PRR14L: variants seen among roughly 807,000 people sequenced by gnomAD.
PRR14L encodes the protein proline rich 14 like.
PRR14L carries 80 observed loss-of-function variants against 155.0 expected under a neutral mutation model. The ratio of observed to expected loss-of-function variants is 0.52; its 90% CI spans 0.43 to 0.62. The LOEUF (loss-of-function observed/expected upper bound fraction) is 0.62, where lower values mean the gene tolerates loss of function less well. PRR14L is among the 20% of genes least tolerant of loss of function. The pLI is 0.00. For synonymous variants in PRR14L, 883 were observed against 916.0 expected, an observed-to-expected ratio of 0.96 and a Z score of 0.65; for missense variants, 2,469 against 2,548.0, an observed-to-expected ratio of 0.97 and a Z score of 0.67.
chr22:31,741,451 G>C lies in PRR14L; in HGVS notation c.-51-2540C>G, dbSNP rs576989620. 2.0e-5 allele frequency among the ~76,000 whole-genome samples: 3 copies of C among 151,604 alleles called. No individual in the cohort carries two copies. The South Asian group carries it at 6.2e-4, about 32-fold the overall frequency. The stretch of plus-strand genomic sequence containing the variant: ...CACTCCAGCCTGGGCAACAAAGCAA[G>C]ACTCCCATCTCAAAGAAAAAAAAGA... On this transcript the variant is annotated intron_variant, in intron 1 of 8. Transcript: ENST00000327423.
At position 31,715,925 on chromosome 22, in the gene PRR14L, G is replaced by C. The variant is rs1270197939; in HGVS notation, c.1914C>G (p.Thr638=). 6.4e-7 allele frequency: 1 copy of C among 1,551,540 alleles called. No homozygotes were observed. Among genetic ancestry groups the C allele is most frequent in the Non-Finnish European group, 8.7e-7 (1 of 1,146,842 alleles). The change falls in exon 4 of 9, where the codon ACC becomes ACG. Residue 638 remains threonine, a synonymous_variant. Coordinates refer to ENST00000327423, the MANE Select transcript of PRR14L (RefSeq NM_173566.3). The part of the protein sequence containing the change: ...IACEMNELSC[T]NELVVNKVES... ...CTACTTTGTTTACAACCAGTTCATTGGTACAAGAAAGTTCATTCATCTCAC... is the reference window on the plus strand; with the variant it reads ...CTACTTTGTTTACAACCAGTTCATTCGTACAAGAAAGTTCATTCATCTCAC...
At chr22:31,699,280 C>T (rs1266206894) in intron 7 of PRR14L, among the ~76,000 whole-genome samples, 1 of 152,126 alleles carries the variant, frequency 6.6e-6, no homozygotes, top group Non-Finnish European at 1.5e-5. Context: ...TCAAATGATC[C>T]ACCCACCTCA....
intron 8 of PRR14L, 63 bp downstream of exon 8, chr22:31,688,093 G>A: frequency 1.3e-6 from 2 of 1,484,674 alleles, no homozygotes; most frequent in Non-Finnish European, 1.8e-6. Context: ...AAGTGAAAGG[G>A]CTGGAGATTC....
At chr22:31,701,962 C>A (rs1049679353) in intron 6 of PRR14L, among the ~76,000 whole-genome samples, 200 bp from the exon 7 acceptor site, 2 of 152,086 alleles carry the variant, frequency 1.3e-5, no homozygotes, top group Non-Finnish European at 2.9e-5. Context: ...TATAAGCCAC[C>A]GTAACTGGGA....
At position 31,713,743 on chromosome 22, in the gene PRR14L, C is replaced by T. The variant is rs1250459785; in HGVS notation, c.4096G>A (p.Gly1366Ser). ...TGAGAGATGTTGCTCACGGGATCGC[C>T]ATCGCCAGTTTCTCTGGTAACCAAC... ...EELVTRETGD[G>S]DPVSNISQTH... Residue 1366 changes from glycine (G) to serine (S), a missense_variant, in exon 4 of 9, where the codon GGC becomes AGC. Gly to Ser is a moderately conservative substitution (Grantham distance 56). Around this residue, in one of 2 missense-constraint regions of PRR14L, gnomAD observed 2,363 missense variants for 2,371.6 expected, o/e 1.00. Coordinates refer to ENST00000327423, the MANE Select transcript of PRR14L (RefSeq NM_173566.3). The T allele has an allele frequency of 6.4e-7, 1 of 1,552,360 alleles. No individual in the cohort carries two copies. The highest frequency in any genetic ancestry group is 1.2e-5 in the South Asian group (1 of 84,062).
At chr22:31,737,383 A>G (rs1342704612) in intron 2 of PRR14L, among the ~76,000 whole-genome samples, 1 of 152,066 alleles carries the variant, frequency 6.6e-6, no homozygotes, top group East Asian at 1.9e-4. Flanking sequence ...CAGGAAGCTG[A>G]GGCAGGAGAA....
At chr22:31,735,624 T>C (rs138280) in intron 2 of PRR14L, among the ~76,000 whole-genome samples, 58,995 of 149,552 alleles carry the variant, frequency 0.39, 12,598 homozygotes, top group Middle Eastern at 0.57. Flanking sequence ...TCTCCTGAAG[T>C]GGCAGGTCCC....
chr22:31,726,182 A>G (rs2147870071), intron 2 of PRR14L, among the ~76,000 whole-genome samples: 1 of 151,860 alleles, frequency 6.6e-6, no homozygotes. Flanking sequence ...GCAGTGAGCC[A>G]AGACTGTGCG....
chr22:31,693,724 T>C lies in PRR14L; in HGVS notation c.6108-5497A>G, dbSNP rs183306959. On this transcript the variant is annotated intron_variant, in intron 7 of 8. Transcript: ENST00000327423. ...GAGTGCCTGTTGCTCCACATCCTCA[T>C]TCAATTCTCTCCCTTGATCATATTT... 2.6e-3 allele frequency among the ~76,000 whole-genome samples: 399 copies of C among 152,302 alleles called. 2 individuals carry two copies. Among genetic ancestry groups the C allele is most frequent in the African/African-American group, 8.3e-3 (344 of 41,578 alleles).
At chr22:31,690,078 A>G (rs1443218645) in intron 7 of PRR14L, among the ~76,000 whole-genome samples, 1 of 152,080 alleles carries the variant, frequency 6.6e-6, no homozygotes, top group Non-Finnish European at 1.5e-5. Context: ...CACCACACCC[A>G]GCTAATTTTT....
In PRR14L at chr22:31,712,987, T is replaced by C. The variant is rs1243714677; in HGVS notation, c.4852A>G (p.Lys1618Glu). 8 of 1,551,876 alleles carry C rather than the reference T, an allele frequency of 5.2e-6. No individual in the cohort carries two copies. Among genetic ancestry groups the C allele is most frequent in the Admixed American group, 3.9e-5 (2 of 51,000 alleles). The stretch of plus-strand genomic sequence containing the variant: ...AGTTTGGAGGCAAGGATGGACAGCT[T>C]GTTTAGTAAGGCTGATTCTTTGGTA... ...KTTKESALLN[K>E]LSILASKLAP... The change falls in exon 4 of 9, where the codon AAG (lysine) becomes GAG (glutamate). Residue 1618 changes from lysine to glutamate, a missense_variant. Lys to Glu is a moderately conservative substitution (Grantham distance 56, BLOSUM62 1). Around this residue, in one of 2 missense-constraint regions of PRR14L, gnomAD observed 2,363 missense variants for 2,371.6 expected, o/e 1.00. Transcript: ENST00000327423.
Position 31,683,494 on chromosome 22 carries a change from G to A in PRR14L, c.*2033C>T, listed in dbSNP as rs1157003488. On this transcript the variant is annotated 3_prime_UTR_variant, in exon 9 of 9. Transcript: ENST00000327423. ...GTCTAAGAACCCTGTCCCAGGAAGG[G>A]AGAGGTATTGAGGTGAAACATAGGT... The A allele has an allele frequency of 6.6e-6, 1 of 152,294 alleles. No homozygotes were observed. The highest frequency in any genetic ancestry group is 6.5e-5 in the Admixed American group (1 of 15,280). The allele number at this position is 152,294 out of a possible 1,614,324, so 9.4% of individuals were successfully genotyped here. A position where few individuals can be genotyped will look rare whatever the true frequency, so the allele number is the denominator to read the frequency against.
At chr22:31,729,625 T>C (rs573220806) in intron 2 of PRR14L, among the ~76,000 whole-genome samples, 10 of 152,336 alleles carry the variant, frequency 6.6e-5, no homozygotes, top group African/African-American at 2.4e-4. Flanking sequence ...GATTGGAATA[T>C]TTAACTTTTA....
At position 31,683,227 on chromosome 22, in the gene PRR14L, A is replaced by G. The variant is rs995214579; in HGVS notation, c.*2300T>C. ...TTCGAGTGCCACACCTGTAACAGGC[A>G]CAGTTGAAACTATCTCTGCCATGTT... On this transcript the variant is annotated 3_prime_UTR_variant, in exon 9 of 9. Transcript: ENST00000327423. 1.3e-5 allele frequency: 2 copies of G among 152,320 alleles called. No individual in the cohort carries two copies. The highest frequency in any genetic ancestry group is 2.9e-5 in the Non-Finnish European group (2 of 68,124). 9.4% of individuals were successfully genotyped at this position (152,320 alleles called of 1,614,324 possible).
At chr22:31,734,995 AT>A (rs779233395) in intron 2 of PRR14L, among the ~76,000 whole-genome samples, 1 of 152,170 alleles carries the variant, frequency 6.6e-6, no homozygotes, top group Admixed American at 6.5e-5. Flanking sequence ...CCCCGTAAGT[AT>A]TTCTGTTTCT....
chr22:31,731,294 G>A (rs1190936222), intron 2 of PRR14L, among the ~76,000 whole-genome samples: 3 of 152,090 alleles, frequency 2.0e-5, no homozygotes, highest in Non-Finnish European at 2.9e-5. Flanking sequence ...GCTGGGCGCC[G>A]TGGCTCATGC....
At chr22:31,711,178 A>G (rs189986989) in intron 4 of PRR14L, among the ~76,000 whole-genome samples, 6 of 152,334 alleles carry the variant, frequency 3.9e-5, no homozygotes, top group Admixed American at 6.5e-5. Context: ...GCGCAAGAGT[A>G]GAAAAGAAGA....
Position 31,738,394 on chromosome 22 carries a change from G to C in PRR14L, c.467C>G (p.Pro156Arg), listed in dbSNP as rs746806982. ...GGAGATTTCATTTCTTACCTGACTC[G>C]GGCTAGTCTTTTCTTCAGCAGCTGT... ...HSTAAEEKTSPSQEDLLMQSS... is the reference protein window; with the variant it reads ...HSTAAEEKTSRSQEDLLMQSS... The change falls in exon 2 of 9, where the codon CCG becomes CGG. Residue 156 changes from proline (P) to arginine (R), a missense_variant. Pro to Arg is a moderately radical substitution (Grantham distance 103). Transcript: ENST00000327423. 2.1e-5 allele frequency: 33 copies of C among 1,551,334 alleles called. No individual in the cohort carries two copies. Among genetic ancestry groups the C allele is most frequent in the Non-Finnish European group, 2.6e-5 (30 of 1,146,532 alleles).
In PRR14L at chr22:31,712,499, T is replaced by C; in HGVS notation, c.5340A>G (p.Glu1780=). 2 of 1,551,960 alleles carry C rather than the reference T, an allele frequency of 1.3e-6. No individual in the cohort carries two copies. The highest frequency in any genetic ancestry group is 2.0e-5 in the Admixed American group (1 of 50,998). ...HGCPGMATFR[E]DTGVHSQTHT... ...GGGTCTGACTATGGACGCCAGTGTCTTCCCTGAATGTTGCCATCCCAGGGC... is the reference window on the plus strand; with the variant it reads ...GGGTCTGACTATGGACGCCAGTGTCCTCCCTGAATGTTGCCATCCCAGGGC... Residue 1780 remains glutamate, a synonymous_variant, in exon 4 of 9, where the codon GAA becomes GAG. Coordinates refer to ENST00000327423, the MANE Select transcript of PRR14L (RefSeq NM_173566.3).
Sources: gnomAD v4.1 joint callset for allele counts (sites outside exome capture counted in the v4.1 genomes callset) on GRCh38, gnomAD v4.1.1 for gene constraint, gnomAD v4.1.1 regional missense constraint, MANE v1.5 for transcripts, NCBI Gene and HGNC (gene_info 2026-07-23, HGNC 2026-07-21) for gene names.